The following CELSR1 variants were observed in gnomAD, a reference collection of about 807,000 sequenced individuals.
CELSR1 encodes the protein adhesion G protein-coupled receptor C1.
A neutral mutation model predicts 249.1 loss-of-function variants in CELSR1; 110 were observed. That is an observed-to-expected ratio of 0.44 (90% CI 0.38 to 0.52). The LOEUF (loss-of-function observed/expected upper bound fraction) is 0.52, where lower values mean the gene tolerates loss of function less well. Ranked by LOEUF, CELSR1 falls within the 20% of genes least tolerant of loss-of-function variation. The probability of loss-of-function intolerance (pLI) is 0.00; values close to 1 mark genes in which losing one functional copy is unlikely to be tolerated. For missense variants in CELSR1, 4,109 were observed against 4,296.4 expected (o/e 0.96, Z 1.22); for synonymous variants, 2,113 against 1,900.0 (o/e 1.11, Z -2.92).
rs1331058696 is a variant in CELSR1 at position 46,535,933 on chromosome 22, G to A, written c.1238C>T (p.Ala413Val). The A allele has an allele frequency of 1.2e-6, 2 of 1,608,882 alleles. No homozygotes were observed. Among genetic ancestry groups the A allele is most frequent in the South Asian group, 1.1e-5 (1 of 90,850 alleles). The change falls in exon 1 of 35, where the codon GCG becomes GTG. Residue 413 changes from alanine (A) to valine (V), a missense_variant. By Grantham distance (64) the Ala-to-Val change is moderately conservative. This residue lies in a region of CELSR1 where 673 missense variants were observed against 636.8 expected (regional missense o/e 1.06). Transcript: ENST00000674500. ...NESSGVVSTR[A>V]VLDREEAAEY... ...GGCCGCCTCCTCCCGGTCCAGCACCGCCCGTGTGCTCACCACGCCAGAGCT... is the reference window on the plus strand; with the variant it reads ...GGCCGCCTCCTCCCGGTCCAGCACCACCCGTGTGCTCACCACGCCAGAGCT...
chr22:46,365,153 G>C, intron 32 of CELSR1, 78 bp downstream of exon 32: 1 of 1,517,402 alleles, frequency 6.6e-7, no homozygotes, highest in African/African-American at 1.4e-5. Flanking sequence ...TGGGAGGAAG[G>C]GACCCAGCCA....
chr22:46,472,907 C>T lies in CELSR1; in HGVS notation c.3545-8562G>A, dbSNP rs1444420956. ...CGTCACGGCTCTGTCTTCTGTTCAC[C>T]GCACCGGAAGCCAGTACAGCCTCAT... is the stretch of plus-strand genomic sequence containing the variant. On this transcript the variant is annotated intron_variant, in intron 1 of 34. Transcript: ENST00000674500. This position sits in a 1 kb window ranked among gnomAD's most constrained non-coding sequence, Gnocchi z 7.0. Among the ~76,000 whole-genome samples, 4 of 152,306 alleles carry T rather than the reference C, an allele frequency of 2.6e-5. No homozygotes were observed. Among genetic ancestry groups the T allele is most frequent in the Middle Eastern group, 3.4e-3 (1 of 294 alleles).
In CELSR1 at chr22:46,401,954, G is replaced by A. The variant is rs1263981053; in HGVS notation, c.5227-2052C>T. ...ATACAAAAAATTAGCTGGGCGTGGT[G>A]GCAGGTGCCTGTAGTTCCAGCTGCT... On this transcript the variant is annotated intron_variant, in intron 9 of 34. Coordinates refer to ENST00000674500, the MANE Select transcript of CELSR1 (RefSeq NM_001378328.1). This position sits in a 1 kb window ranked among gnomAD's most constrained non-coding sequence, Gnocchi z 4.7. Among the ~76,000 whole-genome samples the A allele has an allele frequency of 1.3e-5, 2 of 152,132 alleles. No homozygotes were observed. The highest frequency in any genetic ancestry group is 4.8e-5 in the African/African-American group (2 of 41,436).
chr22:46,369,648 G>A (rs762869223), intron 26 of CELSR1, 44 bp downstream of exon 26: 1 of 1,566,126 alleles, frequency 6.4e-7, no homozygotes, highest in Non-Finnish European at 8.8e-7. Context: ...TCCAGCTCAT[G>A]CATGTTTGGG....
At chr22:46,467,717 G>A (rs958911583) in intron 1 of CELSR1, among the ~76,000 whole-genome samples, 1 of 146,184 alleles carries the variant, frequency 6.8e-6, no homozygotes, top group Non-Finnish European at 1.5e-5. Context: ...AGCTACTCAG[G>A]AGGCTGAGGC....
At position 46,527,913 on chromosome 22, in the gene CELSR1, T is replaced by C. The variant is rs1235890990; in HGVS notation, c.3544+5714A>G. Among the ~76,000 whole-genome samples, 1 of 152,094 alleles carries C rather than the reference T, an allele frequency of 6.6e-6. No homozygotes were observed. Among genetic ancestry groups the C allele is most frequent in the Admixed American group, 6.6e-5 (1 of 15,254 alleles). On this transcript the variant is annotated intron_variant, in intron 1 of 34. Coordinates refer to ENST00000674500, the MANE Select transcript of CELSR1 (RefSeq NM_001378328.1). The surrounding 1 kb of genome is among the most constrained non-coding windows in gnomAD (Gnocchi z 5.5). Reference sequence around the variant, plus strand: ...GAGTTGGAGACCAGCCTGGCCAGCATGGTGAAACCCCATCTCTACAAAAAT... The same window carrying C: ...GAGTTGGAGACCAGCCTGGCCAGCACGGTGAAACCCCATCTCTACAAAAAT...
intron 1 of CELSR1, among the ~76,000 whole-genome samples, chr22:46,470,313 G>A (rs1039499610): frequency 6.6e-6 from 1 of 151,828 alleles, no homozygotes; most frequent in Admixed American, 6.6e-5. Context: ...TTGGGTCTGA[G>A]CTTATGTATC....
chr22:46,535,347 G>A lies in CELSR1; in HGVS notation c.1824C>T (p.Ala608=). The change falls in exon 1 of 35, where the codon GCC becomes GCT. Residue 608 remains alanine (A), a synonymous_variant. Coordinates refer to ENST00000674500, the MANE Select transcript of CELSR1 (RefSeq NM_001378328.1). ...ARLHYRLVDT[A]STFLGGGSAG... Reference sequence around the variant, plus strand: ...CGCTGCCGCCCCCCAGAAAGGTGGAGGCCGTGTCCACCAGGCGATAGTGCA... The same window carrying A: ...CGCTGCCGCCCCCCAGAAAGGTGGAAGCCGTGTCCACCAGGCGATAGTGCA... The A allele has an allele frequency of 6.2e-7, 1 of 1,612,470 alleles. No individual in the cohort carries two copies. The highest frequency in any genetic ancestry group is 8.5e-7 in the Non-Finnish European group (1 of 1,179,948).
chr22:46,377,024 G>T, intron 24 of CELSR1, 37 bp downstream of exon 24: 1 of 1,604,180 alleles, frequency 6.2e-7, no homozygotes, highest in South Asian at 1.1e-5. Context: ...TCCAAGCTGC[G>T]GCCCAGACAG....
chr22:46,367,719 C>G lies in CELSR1; in HGVS notation c.8079+10G>C. ...GCAGGGGTCCCGCGGGCAACTCGGC[C>G]GTCACCTACCTGTAAGCCGCTGAAG... On this transcript the variant is annotated intron_variant, in intron 28 of 34. Coordinates refer to ENST00000674500, the MANE Select transcript of CELSR1 (RefSeq NM_001378328.1). 1.3e-6 allele frequency: 2 copies of G among 1,589,656 alleles called. No homozygotes were observed. Among genetic ancestry groups the G allele is most frequent in the Non-Finnish European group, 1.7e-6 (2 of 1,169,418 alleles).
intron 1 of CELSR1, among the ~76,000 whole-genome samples, chr22:46,492,100 G>A (rs143907161): frequency 2.0e-5 from 3 of 152,304 alleles, no homozygotes; most frequent in Non-Finnish European, 4.4e-5. Context: ...AGGGCGCTGC[G>A]ACCTGCAATG....
chr22:46,531,184 C>CTTTT (rs1569222624), intron 1 of CELSR1, among the ~76,000 whole-genome samples: 2 of 118,416 alleles, frequency 1.7e-5, no homozygotes, highest in South Asian at 2.7e-4. Context: ...TCTGCGCATC[C>CTTTT]TTTTATTTAT....
chr22:46,492,371 C>G (rs1236541259), intron 1 of CELSR1, among the ~76,000 whole-genome samples: 1 of 152,212 alleles, frequency 6.6e-6, no homozygotes, highest in African/African-American at 2.4e-5. Context: ...CACTGATACA[C>G]AGTCCTGCTT....
At position 46,398,827 on chromosome 22, in the gene CELSR1, C is replaced by T. The variant is rs1050326952; in HGVS notation, c.5413-190G>A. Among the ~76,000 whole-genome samples, 17 of 152,298 alleles carry T rather than the reference C, an allele frequency of 1.1e-4. No homozygotes were observed. The East Asian group carries it at 3.3e-3, about 29-fold the overall frequency. ...GCGAGGCTGGCTGTGATGACCAGGG[C>T]GAGGGGACCAGGCCAGAGGATGGGT... On this transcript the variant is annotated intron_variant, in intron 10 of 34. Transcript: ENST00000674500. The surrounding 1 kb of genome is among the most constrained non-coding windows in gnomAD (Gnocchi z 7.2).
chr22:46,479,615 T>TGG (rs34913626), intron 1 of CELSR1, among the ~76,000 whole-genome samples: 2 of 121,420 alleles, frequency 1.6e-5, no homozygotes. Flanking sequence ...TTGGACTTTT[T>TGG]GGGGGGGGGC....
Position 46,391,436 on chromosome 22 carries a change from C to T in CELSR1, c.6149-149G>A. On this transcript the variant is annotated intron_variant, in intron 15 of 34. Coordinates refer to ENST00000674500, the MANE Select transcript of CELSR1 (RefSeq NM_001378328.1). The surrounding 1 kb of genome is among the most constrained non-coding windows in gnomAD (Gnocchi z 4.3). ...GCATCTCCCCTGCCCCCATCCATGT[C>T]AGAGCTGGAGAGGGGTGACCAGGCT... The T allele has an allele frequency of 1.1e-6, 1 of 918,896 alleles. No homozygotes were observed. The highest frequency in any genetic ancestry group is 1.7e-5 in the South Asian group (1 of 59,604). 56.9% of individuals were successfully genotyped at this position (918,896 alleles called of 1,614,324 possible).
At chr22:46,469,004 A>C (rs545595362) in intron 1 of CELSR1, among the ~76,000 whole-genome samples, 29 of 152,212 alleles carry the variant, frequency 1.9e-4, no homozygotes, top group African/African-American at 6.3e-4. Context: ...TGAACCTGGG[A>C]GGCAGAGGTT....
In CELSR1 at chr22:46,418,888, CT is replaced by C. The variant is rs2079433595; in HGVS notation, c.4612-7130del. Among the ~76,000 whole-genome samples the C allele has an allele frequency of 2.0e-5, 3 of 152,234 alleles. No individual in the cohort carries two copies. In the South Asian group the frequency reaches 6.2e-4, roughly 31 times the overall value. On this transcript the variant is annotated intron_variant, in intron 5 of 34. Transcript: ENST00000674500. ...AAAGACAAAAGTGAGGAGCTCTGTG[CT>C]TTCCTGATGGACGTATACAGTACAT... is the stretch of plus-strand genomic sequence containing the variant.
rs2080555155 is a variant in CELSR1 at position 46,509,863 on chromosome 22, AGGT to A, written c.3544+23761_3544+23763del. Among the ~76,000 whole-genome samples the A allele has an allele frequency of 4.6e-5, 7 of 152,268 alleles. No homozygotes were observed. The South Asian group carries it at 1.4e-3, about 32-fold the overall frequency. On this transcript the variant is annotated intron_variant, in intron 1 of 34. Coordinates refer to ENST00000674500, the MANE Select transcript of CELSR1 (RefSeq NM_001378328.1). ...GGCTCAGTCCAGGGACCCGGCACACAGGTGAGTCCTTCTCCAAGATGTCATGAT... is the reference window on the plus strand; with the variant it reads ...GGCTCAGTCCAGGGACCCGGCACACAGAGTCCTTCTCCAAGATGTCATGAT...
Sources: gnomAD v4.1 joint callset for allele counts (sites outside exome capture counted in the v4.1 genomes callset) on GRCh38, gnomAD v4.1.1 for gene constraint, gnomAD v4.1.1 regional missense constraint, Gnocchi (gnomAD v3.1) non-coding constraint, MANE v1.5 for transcripts, NCBI Gene and HGNC (gene_info 2026-07-23, HGNC 2026-07-21) for gene names.